RALGDS: variants seen among roughly 807,000 people sequenced by gnomAD.
RALGDS encodes ral guanine nucleotide dissociation stimulator, also known as ral guanine nucleotide exchange factor.
In RALGDS, 44 loss-of-function variants were observed where a neutral mutation model predicts 99.8. The observed-to-expected ratio is 0.44, with a 90% confidence interval of 0.35 to 0.57. The LOEUF (loss-of-function observed/expected upper bound fraction) is 0.57, where lower values mean the gene tolerates loss of function less well. Among genes scored for constraint, RALGDS ranks in the 20% least tolerant of loss-of-function variants. The probability of loss-of-function intolerance (pLI) is 0.01; values close to 1 mark genes in which losing one functional copy is unlikely to be tolerated. For missense variants in RALGDS, 1,022 were observed against 1,203.1 expected (o/e 0.85, Z 2.23); for synonymous variants, 529 against 505.0 (o/e 1.05, Z -0.64).
At chr9:133,146,423 C>T (rs1234613409) in intron 1 of RALGDS, among the ~76,000 whole-genome samples, 1 of 152,150 alleles carries the variant, frequency 6.6e-6, no homozygotes, top group Non-Finnish European at 1.5e-5. Flanking sequence ...AACTCCTGAC[C>T]TCAGGTGATC....
chr9:133,102,965 G>C (rs1830833078), intron 12 of RALGDS, 65 bp from the exon 13 acceptor site: 1 of 1,600,050 alleles, frequency 6.2e-7, no homozygotes, highest in African/African-American at 1.3e-5. Context: ...GCCAGTCTCT[G>C]GGTCTTTGTT....
upstream of RALGDS, among the ~76,000 whole-genome samples, chr9:133,132,839 A>T (rs1325198002): frequency 1.3e-5 from 2 of 151,974 alleles, no homozygotes; most frequent in East Asian, 3.9e-4. Flanking sequence ...GGGGTTTTAC[A>T]TGTTGGCCAG....
At chr9:133,133,417 G>T (rs1427702843), upstream of RALGDS, among the ~76,000 whole-genome samples, 2 of 152,216 alleles carry the variant, frequency 1.3e-5, no homozygotes, top group African/African-American at 4.8e-5. Context: ...CCACCCACGT[G>T]GTCCCTGGCC....
chr9:133,123,723 CAG>C (rs34706263), upstream of RALGDS, among the ~76,000 whole-genome samples: 17,952 of 69,588 alleles, frequency 0.26, 3,915 homozygotes, highest in South Asian at 0.51. Context: ...GATGCACACA[CAG>C]AGACACACAC....
At chr9:133,128,647 C>T (rs1832236995) in intron 1 of RALGDS, among the ~76,000 whole-genome samples, 2 of 152,176 alleles carry the variant, frequency 1.3e-5, no homozygotes, top group African/African-American at 4.8e-5. Context: ...GTTTGGGGAA[C>T]TCTTTTAAGA....
At chr9:133,112,173 A>C in intron 1 of RALGDS, 21 bp from the exon 2 acceptor site, 1 of 1,528,332 alleles carries the variant, frequency 6.5e-7, no homozygotes. Context: ...AACGCCCGGC[A>C]GCCGGGCGCG....
chr9:133,124,028 GCACA>G (rs199594684), upstream of RALGDS, among the ~76,000 whole-genome samples: 4 of 51,834 alleles, frequency 7.7e-5, 1 homozygote, highest in East Asian at 4.5e-4. Flanking sequence ...ACACAGAGAT[GCACA>G]CACAGAGACA....
chr9:133,103,616 G>T, intron 11 of RALGDS, 131 bp downstream of exon 11: 1 of 978,008 alleles, frequency 1.0e-6, no homozygotes, highest in Non-Finnish European at 1.7e-6. Context: ...TGTTTGGGCA[G>T]CCCTGGGGTG....
chr9:133,143,771 TAAC>T lies in RALGDS; in HGVS notation c.18+5189_18+5191del, dbSNP rs759265482. 7.8e-3 allele frequency among the ~76,000 whole-genome samples: 867 copies of T among 111,500 alleles called. 15 individuals are homozygous for T. The highest frequency in any genetic ancestry group is 0.029 in the African/African-American group (819 of 28,306). The allele number at this position is 111,500 out of a possible 152,430, so 73.1% of individuals were successfully genotyped here. On this transcript the variant is annotated intron_variant, in intron 1 of 17. Transcript: ENST00000393160. The stretch of plus-strand genomic sequence containing the variant: ...ATAATAATAATAATAATAATAATAA[TAAC>T]AACAACAACAACAATAATAATAATA...
chr9:133,100,648 A>G, intron 16 of RALGDS: 5 of 1,354,164 alleles, frequency 3.7e-6, no homozygotes, highest in Non-Finnish European at 4.8e-6. Context: ...CCTGTAAGAG[A>G]CTGTTCCCTC....
upstream of RALGDS, among the ~76,000 whole-genome samples, chr9:133,122,763 G>C (rs753671603): frequency 2.6e-5 from 4 of 152,214 alleles, no homozygotes; most frequent in Non-Finnish European, 4.4e-5. Context: ...GGAGTGCAGT[G>C]GTGTGATCTC....
At chr9:133,138,708 C>T (rs774675182) in intron 1 of RALGDS, among the ~76,000 whole-genome samples, 1 of 152,196 alleles carries the variant, frequency 6.6e-6, no homozygotes, top group Non-Finnish European at 1.5e-5. Context: ...GATCTCGGCT[C>T]GCTGCAACCT....
In RALGDS at chr9:133,100,310, G is replaced by GCTC. The variant is rs765524512; in HGVS notation, c.2524_2526dup (p.Glu842dup). The GCTC allele has an allele frequency of 1.1e-5, 18 of 1,614,016 alleles. No individual in the cohort carries two copies. Among genetic ancestry groups the GCTC allele is most frequent in the Non-Finnish European group, 1.5e-5 (18 of 1,180,022 alleles). ...ATCTGCAGCAGCTCATAGTCCTCCG[G>GCTC]CTCCTCCTCCTCCAGGTTGTGTTTG... On this transcript the variant is annotated inframe_insertion, in exon 17 of 18. Transcript: ENST00000372050.
At chr9:133,121,647 C>T (rs1218552267), upstream of RALGDS, among the ~76,000 whole-genome samples, 1 of 152,232 alleles carries the variant, frequency 6.6e-6, no homozygotes, top group African/African-American at 2.4e-5. Context: ...AGCAAAGCCT[C>T]TCCCCAACTC....
intron 1 of RALGDS, chr9:133,129,530 C>A: frequency 9.2e-7 from 1 of 1,084,302 alleles, no homozygotes. Flanking sequence ...AGAGGCTGCC[C>A]CAAGCTAGCC....
Position 133,098,372 on chromosome 9 carries a change from G to A in RALGDS, c.*215C>T. 1 of 594,018 alleles carries A rather than the reference G, an allele frequency of 1.7e-6. No homozygotes were observed. The highest frequency in any genetic ancestry group is 1.9e-5 in the African/African-American group (1 of 54,030). The allele number at this position is 594,018 out of a possible 1,614,324, so 36.8% of individuals were successfully genotyped here. On this transcript the variant is annotated 3_prime_UTR_variant, in exon 18 of 18. Transcript: ENST00000372050. ...AGTCAGCTAGTCCTCTGGTTCCAGA[G>A]AGCAGAAGGCACCTAAGGCAGCGAG...
chr9:133,106,731 C>A lies in RALGDS; in HGVS notation c.1431G>T (p.Lys477Asn). The A allele has an allele frequency of 6.2e-7, 1 of 1,611,884 alleles. No individual in the cohort carries two copies. Among genetic ancestry groups the A allele is most frequent in the South Asian group, 1.1e-5 (1 of 90,852 alleles). The stretch of plus-strand genomic sequence containing the variant: ...GGATGGCATACAGTGACGAGAAGTT[C>A]TTGAGGATCCGGCACTCCTGGGGCG... ...IEVARECRILKNFSSLYAILS... is the reference protein window; with the variant it reads ...IEVARECRILNNFSSLYAILS... The change falls in exon 8 of 18, where the codon AAG becomes AAT. Residue 477 changes from lysine to asparagine, a missense_variant. By Grantham distance (94) the Lys-to-Asn change is moderately conservative. Coordinates refer to ENST00000372050, the MANE Select transcript of RALGDS (RefSeq NM_006266.4).
At position 133,121,233 on chromosome 9, in the gene RALGDS, C is replaced by A; in HGVS notation, c.-79G>T. The A allele has an allele frequency of 1.0e-6, 1 of 980,348 alleles. No individual in the cohort carries two copies. The highest frequency in any genetic ancestry group is 1.2e-6 in the Non-Finnish European group (1 of 826,142). 60.7% of individuals were successfully genotyped at this position (980,348 alleles called of 1,614,324 possible). A position where few individuals can be genotyped will look rare whatever the true frequency, so the allele number is the denominator to read the frequency against. On this transcript the variant is annotated 5_prime_UTR_variant, in exon 1 of 18. Coordinates refer to ENST00000372050, the MANE Select transcript of RALGDS (RefSeq NM_006266.4). ...GCGCGGCCCGCGCGGCTGGGCTTTG[C>A]CACCGCTGTGAGCCCGCGGCCCGGC...
At chr9:133,146,224 G>A (rs900411913) in intron 1 of RALGDS, among the ~76,000 whole-genome samples, 11 of 152,134 alleles carry the variant, frequency 7.2e-5, no homozygotes, top group South Asian at 2.1e-4. Flanking sequence ...GTCTGGCTCC[G>A]TCGCCCAGGC....
Sources: allele counts gnomAD v4.1 joint callset (sites outside exome capture counted in the v4.1 genomes callset), GRCh38; gene constraint gnomAD v4.1.1; transcripts MANE v1.5; gene names NCBI Gene and HGNC (gene_info 2026-07-23, HGNC 2026-07-21).